The following ZNF362 variants were observed in gnomAD, a reference collection of about 807,000 sequenced individuals.
The protein encoded by ZNF362 is zinc finger protein 362.
In ZNF362, 11 loss-of-function variants were observed where a neutral mutation model predicts 42.9. The observed-to-expected ratio is 0.26, with a 90% CI of 0.16 to 0.42. The LOEUF (loss-of-function observed/expected upper bound fraction) is 0.42. Among genes scored for constraint, ZNF362 ranks in the 20% least tolerant of loss-of-function variants. The pLI is 1.00. For missense variants in ZNF362, 362 were observed against 576.2 expected (o/e 0.63, Z 3.81); for synonymous variants, 255 against 257.3 (o/e 0.99, Z 0.09).
At chr1:33,277,557 C>T (rs1221201634) in intron 4 of ZNF362, among the ~76,000 whole-genome samples, 1 of 152,034 alleles carries the variant, frequency 6.6e-6, no homozygotes. Context: ...AGGTGGAGAC[C>T]CGGTTGTCAG....
At chr1:33,255,078 C>T (rs1217395419), upstream of ZNF362, among the ~76,000 whole-genome samples, 1 of 152,214 alleles carries the variant, frequency 6.6e-6, no homozygotes, top group Non-Finnish European at 1.5e-5. Flanking sequence ...ATTCATGCCA[C>T]ACAGATTTCT....
At chr1:33,214,478 A>G in the ZNF362 span, among the ~76,000 whole-genome samples, 1 of 152,258 alleles carries the variant, frequency 6.6e-6, no homozygotes, top group Admixed American at 6.5e-5. Flanking sequence ...AGACAACCAA[A>G]GCAAAAACGG....
At chr1:33,258,160 C>G (rs759710240) in intron 1 of ZNF362, among the ~76,000 whole-genome samples, 1 of 152,164 alleles carries the variant, frequency 6.6e-6, no homozygotes, top group Non-Finnish European at 1.5e-5. Flanking sequence ...GCCCTACGCC[C>G]GGGAGGTAGA....
chr1:33,230,852 A>G, the ZNF362 span, among the ~76,000 whole-genome samples: 1 of 152,218 alleles, frequency 6.6e-6, no homozygotes, highest in South Asian at 2.1e-4. Flanking sequence ...GAAAGAAAAT[A>G]TAGATGTAAT....
chr1:33,298,601 C>G (rs956587383), intron 8 of ZNF362, among the ~76,000 whole-genome samples: 1 of 152,238 alleles, frequency 6.6e-6, no homozygotes, highest in African/African-American at 2.4e-5. Flanking sequence ...CAGCCAGATG[C>G]AGGCACAGTG....
chr1:33,157,043 T>G, the ZNF362 span, among the ~76,000 whole-genome samples: 1 of 151,586 alleles, frequency 6.6e-6, no homozygotes, highest in Non-Finnish European at 1.5e-5. Context: ...CCCTTCGGTC[T>G]ATTCTCAACC....
chr1:33,147,677 G>C, the ZNF362 span: 3 of 1,613,652 alleles, frequency 1.9e-6, no homozygotes, highest in Non-Finnish European at 2.5e-6. This position sits in a 1 kb window ranked among gnomAD's most constrained non-coding sequence, Gnocchi z 8.1. Flanking sequence ...TCGTCCGACA[G>C]GATCAGGCGC....
At chr1:33,278,679 T>A (rs1570397395) in intron 4 of ZNF362, among the ~76,000 whole-genome samples, 1 of 152,234 alleles carries the variant, frequency 6.6e-6, no homozygotes, top group Non-Finnish European at 1.5e-5. Flanking sequence ...ACATATATCT[T>A]GTCCAAACTA....
the ZNF362 span, chr1:33,165,647 G>GCAGT: frequency 7.9e-7 from 1 of 1,260,086 alleles, no homozygotes. The surrounding 1 kb of genome is among the most constrained non-coding windows in gnomAD (Gnocchi z 4.0). Context: ...CCAGGCGCTG[G>GCAGT]GGGTTAGCCT....
intron 8 of ZNF362, among the ~76,000 whole-genome samples, chr1:33,296,764 A>G (rs772586145): frequency 6.6e-6 from 1 of 152,084 alleles, no homozygotes; most frequent in Non-Finnish European, 1.5e-5. Context: ...CTCTGTTAGA[A>G]AAGTTTGGAT....
chr1:33,214,888 A>C, the ZNF362 span, among the ~76,000 whole-genome samples: 1 of 152,216 alleles, frequency 6.6e-6, no homozygotes, highest in East Asian at 1.9e-4. Context: ...ACCCTCGTAC[A>C]CTGTTGGGAG....
the ZNF362 span, chr1:33,165,654 G>T: frequency 8.4e-7 from 1 of 1,189,650 alleles, no homozygotes; most frequent in Non-Finnish European, 1.1e-6. The surrounding 1 kb of genome is among the most constrained non-coding windows in gnomAD (Gnocchi z 4.0). Flanking sequence ...CTGGGGGTTA[G>T]CCTGGTCTCT....
At chr1:33,200,564 T>C in the ZNF362 span, among the ~76,000 whole-genome samples, 1 of 152,138 alleles carries the variant, frequency 6.6e-6, no homozygotes, top group East Asian at 1.9e-4. Flanking sequence ...GACATCCACT[T>C]TAAATATAAG....
In ZNF362 at chr1:33,270,621, C is replaced by G. The variant is rs772941427; in HGVS notation, c.38+9C>G. 11 of 1,612,354 alleles carry G rather than the reference C, an allele frequency of 6.8e-6. No individual in the cohort carries two copies. The highest frequency in any genetic ancestry group is 4.0e-5 in the African/African-American group (3 of 74,812). On this transcript the variant is annotated intron_variant, in intron 2 of 8. Coordinates refer to ENST00000539719, the MANE Select transcript of ZNF362 (RefSeq NM_152493.3). The stretch of plus-strand genomic sequence containing the variant: ...GGGAAAGGACACTCTAGGTAAGGAG[C>G]CTGTGATTCCAGGTTGCACTCTGTC...
At chr1:33,247,791 C>T in the ZNF362 span, among the ~76,000 whole-genome samples, 15 of 152,236 alleles carry the variant, frequency 9.9e-5, no homozygotes, top group Non-Finnish European at 1.8e-4. Context: ...TAAGTAGTTA[C>T]TGTCATCGGC....
the ZNF362 span, among the ~76,000 whole-genome samples, chr1:33,156,954 C>T: frequency 5.3e-5 from 8 of 150,914 alleles, no homozygotes; most frequent in African/African-American, 2.0e-4. Flanking sequence ...CTACCACCAC[C>T]CTGCTTCACG....
At chr1:33,269,481 T>C (rs1032271128) in intron 1 of ZNF362, among the ~76,000 whole-genome samples, 2 of 152,186 alleles carry the variant, frequency 1.3e-5, no homozygotes, top group African/African-American at 2.4e-5. Context: ...TTTTGGGTCC[T>C]GCTCTCTCGC....
chr1:33,156,566 G>T, the ZNF362 span, among the ~76,000 whole-genome samples: 2 of 152,114 alleles, frequency 1.3e-5, no homozygotes, highest in Non-Finnish European at 2.9e-5. Flanking sequence ...TCCCCCTCTT[G>T]TCCCTGACTT....
chr1:33,194,246 G>A, the ZNF362 span, among the ~76,000 whole-genome samples: 1 of 152,018 alleles, frequency 6.6e-6, no homozygotes, highest in Non-Finnish European at 1.5e-5. Context: ...TGGAATATTA[G>A]TGCAGTGGGC....
Sources: allele counts gnomAD v4.1 joint callset (sites outside exome capture counted in the v4.1 genomes callset), GRCh38; gene constraint gnomAD v4.1.1; non-coding constraint Gnocchi (gnomAD v3.1); transcripts MANE v1.5; gene names NCBI Gene and HGNC (gene_info 2026-07-23, HGNC 2026-07-21).